GRM3: variants seen among roughly 807,000 people sequenced by gnomAD.
GRM3 encodes glutamate metabotropic receptor 3.
GRM3 carries 26 observed loss-of-function variants against 70.5 expected under a neutral mutation model. That is an observed-to-expected ratio of 0.37 (90% CI 0.27 to 0.51). The LOEUF (loss-of-function observed/expected upper bound fraction) is 0.51. Ranked by LOEUF, GRM3 falls within the 20% of genes least tolerant of loss-of-function variation. GRM3 has a pLI of 0.93. For missense variants in GRM3, 859 were observed against 1,123.8 expected (o/e 0.76, Z 3.37); for synonymous variants, 443 against 434.9 (o/e 1.02, Z -0.23).
intron 3 of GRM3, among the ~76,000 whole-genome samples, chr7:86,803,281 C>G (rs1223810760): frequency 6.6e-6 from 1 of 152,132 alleles, no homozygotes; most frequent in Admixed American, 6.5e-5. Context: ...AGATGAGTTC[C>G]TTATCTTTTG....
intron 1 of GRM3, among the ~76,000 whole-genome samples, chr7:86,711,855 C>G (rs1795207455): frequency 6.6e-6 from 1 of 152,028 alleles, no homozygotes; most frequent in Admixed American, 6.6e-5. Context: ...ACTTAGGGAA[C>G]CTAGATCCAT....
chr7:86,831,893 GACTGAGT>G (rs1223140667), intron 3 of GRM3, among the ~76,000 whole-genome samples: 1 of 150,800 alleles, frequency 6.6e-6, no homozygotes, highest in Non-Finnish European at 1.5e-5. Context: ...CCACACGTAA[GACTGAGT>G]ACTGAAGACA....
At chr7:86,648,966 A>G (rs930785129) in intron 1 of GRM3, among the ~76,000 whole-genome samples, 2 of 152,192 alleles carry the variant, frequency 1.3e-5, no homozygotes, top group African/African-American at 4.8e-5. Flanking sequence ...TCAAGAAAAT[A>G]TAAAACCAGA....
chr7:86,732,463 T>C (rs1481280222), intron 1 of GRM3, among the ~76,000 whole-genome samples: 2 of 152,194 alleles, frequency 1.3e-5, no homozygotes, highest in East Asian at 3.9e-4. Context: ...CAAGTTCAGA[T>C]ATGATTCAAG....
chr7:86,748,150 C>G (rs1796149440), intron 1 of GRM3, among the ~76,000 whole-genome samples: 1 of 151,936 alleles, frequency 6.6e-6, no homozygotes, highest in Non-Finnish European at 1.5e-5. Flanking sequence ...TTTAATCTTT[C>G]ACCTTTTCAC....
intron 1 of GRM3, among the ~76,000 whole-genome samples, chr7:86,668,657 T>A (rs1161417302): frequency 1.3e-5 from 2 of 152,118 alleles, no homozygotes; most frequent in East Asian, 3.8e-4. Context: ...AATATAGACT[T>A]ACCCTGCAAA....
At chr7:86,745,849 A>C (rs1389771043) in intron 1 of GRM3, among the ~76,000 whole-genome samples, 1 of 152,120 alleles carries the variant, frequency 6.6e-6, no homozygotes, top group African/African-American at 2.4e-5. Context: ...CTACCTGATT[A>C]AACGAGCTCA....
At chr7:86,771,256 G>A (rs1796732526) in intron 2 of GRM3, among the ~76,000 whole-genome samples, 1 of 152,022 alleles carries the variant, frequency 6.6e-6, no homozygotes, top group African/African-American at 2.4e-5. Flanking sequence ...ATAATTATAT[G>A]TCACTTTATG....
chr7:86,786,849 G>C lies in GRM3; in HGVS notation c.1057G>C (p.Asp353His), dbSNP rs1258680121. The C allele has an allele frequency of 1.9e-6, 3 of 1,614,212 alleles. No individual in the cohort carries two copies. The highest frequency in any genetic ancestry group is 1.1e-5 in the South Asian group (1 of 91,078). ...CAACCACCGCAACCCCTGGTTCCGGGACTTCTGGGAGCAAAAGTTTCAGTG... is the reference window on the plus strand; with the variant it reads ...CAACCACCGCAACCCCTGGTTCCGGCACTTCTGGGAGCAAAAGTTTCAGTG... ...YNNHRNPWFRDFWEQKFQCSL... is the reference protein window; with the variant it reads ...YNNHRNPWFRHFWEQKFQCSL... The change falls in exon 3 of 6, where the codon GAC becomes CAC. Residue 353 changes from aspartate (D) to histidine (H), a missense_variant. By Grantham distance (81) the Asp-to-His change is moderately conservative (BLOSUM62 -1). Coordinates refer to ENST00000361669, the MANE Select transcript of GRM3 (RefSeq NM_000840.3). This position sits in a 1 kb window ranked among gnomAD's most constrained non-coding sequence, Gnocchi z 6.0.
chr7:86,684,593 T>C (rs554240145), intron 1 of GRM3, among the ~76,000 whole-genome samples: 1 of 152,348 alleles, frequency 6.6e-6, no homozygotes, highest in South Asian at 2.1e-4. Context: ...CTTAAAATTC[T>C]AAGAAAATGT....
chr7:86,780,991 T>C (rs1281685934), intron 2 of GRM3, among the ~76,000 whole-genome samples: 1 of 152,136 alleles, frequency 6.6e-6, no homozygotes, highest in Non-Finnish European at 1.5e-5. Flanking sequence ...ATGGACTGGA[T>C]AAATATGACA....
Position 86,733,952 on chromosome 7 carries a change from G to A in GRM3, c.-140-31054G>A, listed in dbSNP as rs145267436. On this transcript the variant is annotated intron_variant, in intron 1 of 5. Transcript: ENST00000361669. ...GGTTACATAATAAGCGGAGCTGTGT[G>A]CCTGCACTCCAAACTCGCTGAGTCA... is the stretch of plus-strand genomic sequence containing the variant. 4.7e-4 allele frequency among the ~76,000 whole-genome samples: 72 copies of A among 152,338 alleles called. 1 individual carries two copies. The highest frequency in any genetic ancestry group is 1.7e-3 in the African/African-American group (70 of 41,572).
intron 1 of GRM3, among the ~76,000 whole-genome samples, chr7:86,712,344 T>G (rs1795217858): frequency 6.6e-6 from 1 of 152,030 alleles, no homozygotes; most frequent in African/African-American, 2.4e-5. Flanking sequence ...ACTCCTCTAT[T>G]TAAAAACCTT....
At chr7:86,647,146 C>T (rs1357376881) in intron 1 of GRM3, among the ~76,000 whole-genome samples, 2 of 152,208 alleles carry the variant, frequency 1.3e-5, no homozygotes, top group African/African-American at 4.8e-5. Flanking sequence ...TAGCTGGAAT[C>T]ACACAATTGA....
At chr7:86,668,822 G>A (rs1040763734) in intron 1 of GRM3, among the ~76,000 whole-genome samples, 3 of 152,084 alleles carry the variant, frequency 2.0e-5, no homozygotes, top group Non-Finnish European at 4.4e-5. Flanking sequence ...TGATCATCAG[G>A]TGGTGATTTT....
intron 1 of GRM3, among the ~76,000 whole-genome samples, chr7:86,667,925 C>T (rs776426046): frequency 1.3e-5 from 2 of 152,066 alleles, no homozygotes; most frequent in African/African-American, 2.4e-5. Flanking sequence ...AAGCAGACAC[C>T]GGAGGGAGCC....
intron 3 of GRM3, among the ~76,000 whole-genome samples, chr7:86,798,272 C>T (rs777830861): frequency 3.3e-5 from 5 of 152,074 alleles, no homozygotes; most frequent in South Asian, 2.1e-4. Context: ...CTGGAAAAGC[C>T]GCAGACACTC....
Position 86,697,259 on chromosome 7 carries a change from T to A in GRM3, c.-141+52387T>A, listed in dbSNP as rs541615143. Among the ~76,000 whole-genome samples the A allele has an allele frequency of 9.1e-4, 133 of 146,042 alleles. No homozygotes were observed. In the Middle Eastern group the frequency reaches 0.011, roughly 12 times the overall value. On this transcript the variant is annotated intron_variant, in intron 1 of 5. Coordinates refer to ENST00000361669, the MANE Select transcript of GRM3 (RefSeq NM_000840.3). ...AACATCTTGAAGAGAGGAAGAGAAG[T>A]AAGGACAATTATAGTATACAATTAA...
At chr7:86,684,851 G>A (rs1794525807) in intron 1 of GRM3, among the ~76,000 whole-genome samples, 1 of 152,082 alleles carries the variant, frequency 6.6e-6, no homozygotes, top group Admixed American at 6.6e-5. Flanking sequence ...TGTGACCATG[G>A]GCAATTTATT....
Sources: gnomAD v4.1 joint callset for allele counts (sites outside exome capture counted in the v4.1 genomes callset) on GRCh38, gnomAD v4.1.1 for gene constraint, Gnocchi (gnomAD v3.1) non-coding constraint, MANE v1.5 for transcripts, NCBI Gene and HGNC (gene_info 2026-07-23, HGNC 2026-07-21) for gene names.